AGPAT4: variants seen among roughly 807,000 people sequenced by gnomAD.
The protein encoded by AGPAT4 is 1-acyl-sn-glycerol-3-phosphate acyltransferase delta.
AGPAT4 carries 15 observed loss-of-function variants against 48.0 expected under a neutral mutation model. The ratio of observed to expected loss-of-function variants is 0.31; its 90% CI spans 0.21 to 0.48. The LOEUF (loss-of-function observed/expected upper bound fraction) is 0.48. Among genes scored for constraint, AGPAT4 ranks in the 20% least tolerant of loss-of-function variants. The pLI is 0.99. For missense variants in AGPAT4, 314 were observed against 482.5 expected (o/e 0.65, Z 3.27); for synonymous variants, 178 against 198.7 (o/e 0.90, Z 0.88).
chr6:161,269,907 G>C (rs1360824768), intron 1 of AGPAT4, among the ~76,000 whole-genome samples: 3 of 152,136 alleles, frequency 2.0e-5, no homozygotes, highest in African/African-American at 7.2e-5. Flanking sequence ...ATCAAAGGAA[G>C]AAGTAGAGCA....
intron 2 of AGPAT4, among the ~76,000 whole-genome samples, chr6:161,193,713 C>T (rs554009755): frequency 6.6e-6 from 1 of 152,352 alleles, no homozygotes; most frequent in African/African-American, 2.4e-5. Flanking sequence ...TGTGTTGACA[C>T]TACTGGAATG....
intron 2 of AGPAT4, among the ~76,000 whole-genome samples, chr6:161,228,473 C>A (rs1369182073): frequency 3.9e-5 from 6 of 152,056 alleles, no homozygotes; most frequent in Non-Finnish European, 8.8e-5. Flanking sequence ...CGCAGGGCGC[C>A]AGGGCTGGGG....
At position 161,225,308 on chromosome 6, in the gene AGPAT4, A is replaced by C. The variant is rs1489767233; in HGVS notation, c.178+6728T>G. 6.6e-6 allele frequency among the ~76,000 whole-genome samples: 1 copy of C among 152,216 alleles called. No individual in the cohort carries two copies. Among genetic ancestry groups the C allele is most frequent in the Non-Finnish European group, 1.5e-5 (1 of 68,044 alleles). ...AGTTTAACCTGTGCAGTCTAACCCTAGCCAATAGGGGAAGGACACAGCAGC... is the reference window on the plus strand; with the variant it reads ...AGTTTAACCTGTGCAGTCTAACCCTCGCCAATAGGGGAAGGACACAGCAGC... On this transcript the variant is annotated intron_variant, in intron 2 of 8. Transcript: ENST00000320285. This position sits in a 1 kb window ranked among gnomAD's most constrained non-coding sequence, Gnocchi z 5.0.
intron 1 of AGPAT4, among the ~76,000 whole-genome samples, chr6:161,237,306 C>T (rs1382491417): frequency 6.6e-6 from 1 of 152,208 alleles, no homozygotes; most frequent in African/African-American, 2.4e-5. Context: ...TCCTCAAGGG[C>T]ACATACTGAA....
In AGPAT4 at chr6:161,220,634, C is replaced by G. The variant is rs1004150069; in HGVS notation, c.178+11402G>C. ...ATATTGCAAAATGGGTAGGCAATGCCCCCACCTGATTTGTGACGGGTGTCC... is the reference window on the plus strand; with the variant it reads ...ATATTGCAAAATGGGTAGGCAATGCGCCCACCTGATTTGTGACGGGTGTCC... On this transcript the variant is annotated intron_variant, in intron 2 of 8. Coordinates refer to ENST00000320285, the MANE Select transcript of AGPAT4 (RefSeq NM_020133.3). This position sits in a 1 kb window ranked among gnomAD's most constrained non-coding sequence, Gnocchi z 6.0. 6.6e-6 allele frequency among the ~76,000 whole-genome samples: 1 copy of G among 152,148 alleles called. No individual in the cohort carries two copies. The highest frequency in any genetic ancestry group is 1.5e-5 in the Non-Finnish European group (1 of 68,034).
Position 161,206,354 on chromosome 6 carries a change from A to C in AGPAT4, c.178+25682T>G, listed in dbSNP as rs1241076622. Among the ~76,000 whole-genome samples, 1 of 151,978 alleles carries C rather than the reference A, an allele frequency of 6.6e-6. No individual in the cohort carries two copies. Among genetic ancestry groups the C allele is most frequent in the East Asian group, 1.9e-4 (1 of 5,190 alleles). On this transcript the variant is annotated intron_variant, in intron 2 of 8. Coordinates refer to ENST00000320285, the MANE Select transcript of AGPAT4 (RefSeq NM_020133.3). This position sits in a 1 kb window ranked among gnomAD's most constrained non-coding sequence, Gnocchi z 4.8. ...ATGAGACCACCCTTTTCCTCAACAC[A>C]ATAAAGCACTCCCTCCCCTCCCAGC...
At chr6:161,136,688 GT>G (rs1461112742) in intron 8 of AGPAT4, 54 bp from the exon 9 acceptor site, 10 of 1,503,418 alleles carry the variant, frequency 6.7e-6, no homozygotes, top group African/African-American at 1.4e-5. Context: ...CTACAGGGCC[GT>G]TTTCCCACAG....
chr6:161,154,157 T>G lies in AGPAT4; in HGVS notation c.502A>C (p.Lys168Gln). ...CTCTGGTGCCTACATACAAAATACT[T>G]CTCGGGGTAGTCCCGGAGGTGCTGC... The part of the protein sequence containing the change: ...SLQHLRDYPE[K>Q]YFFLIHCEGT... Residue 168 changes from lysine (K) to glutamine (Q), a missense_variant, in exon 4 of 9, where the codon AAG (lysine) becomes CAG (glutamine). By Grantham distance (53) the Lys-to-Gln change is moderately conservative. Transcript: ENST00000320285. The surrounding 1 kb of genome is among the most constrained non-coding windows in gnomAD (Gnocchi z 7.8). 1 of 1,614,054 alleles carries G rather than the reference T, an allele frequency of 6.2e-7. No individual in the cohort carries two copies. The highest frequency in any genetic ancestry group is 8.5e-7 in the Non-Finnish European group (1 of 1,180,026).
rs1304332683 is a variant in AGPAT4, at chr6:161,158,976, T to TA, written c.349-4667dup. Among the ~76,000 whole-genome samples, 1 of 152,216 alleles carries TA rather than the reference T, an allele frequency of 6.6e-6. No individual in the cohort carries two copies. Among genetic ancestry groups the TA allele is most frequent in the East Asian group, 1.9e-4 (1 of 5,194 alleles). On this transcript the variant is annotated intron_variant, in intron 3 of 8. Transcript: ENST00000320285. This position sits in a 1 kb window ranked among gnomAD's most constrained non-coding sequence, Gnocchi z 5.3. ...AAGGTTTCCCAGTAGGGTTACCAGTTAGTCAAGTGAGCCAAGGTCATTTAT... is the reference window on the plus strand; with the variant it reads ...AAGGTTTCCCAGTAGGGTTACCAGTTAAGTCAAGTGAGCCAAGGTCATTTAT...
intron 3 of AGPAT4, among the ~76,000 whole-genome samples, chr6:161,156,053 C>T (rs549874805): frequency 6.6e-6 from 1 of 152,314 alleles, no homozygotes; most frequent in African/African-American, 2.4e-5. Flanking sequence ...TGATGACCTG[C>T]TGCTAAATGG....
intron 2 of AGPAT4, among the ~76,000 whole-genome samples, chr6:161,168,963 G>A (rs1251576921): frequency 1.3e-5 from 2 of 152,132 alleles, no homozygotes; most frequent in Non-Finnish European, 2.9e-5. Context: ...ATAAGAGCAT[G>A]GACTCAAGGC....
Position 161,177,129 on chromosome 6 carries a change from C to T in AGPAT4, c.179-10712G>A, listed in dbSNP as rs1269254037. Among the ~76,000 whole-genome samples the T allele has an allele frequency of 6.6e-6, 1 of 152,072 alleles. No homozygotes were observed. Among genetic ancestry groups the T allele is most frequent in the Non-Finnish European group, 1.5e-5 (1 of 68,018 alleles). On this transcript the variant is annotated intron_variant, in intron 2 of 8. Transcript: ENST00000320285. The surrounding 1 kb of genome is among the most constrained non-coding windows in gnomAD (Gnocchi z 5.0). ...CTGACAATTATGTGTCTTAGAGTTG[C>T]TCTTCTCGAGGAGTATCTTTGTGGC... is the stretch of plus-strand genomic sequence containing the variant.
At chr6:161,260,671 A>C (rs893875081) in intron 1 of AGPAT4, among the ~76,000 whole-genome samples, 39 of 150,358 alleles carry the variant, frequency 2.6e-4, no homozygotes, top group African/African-American at 9.2e-4. Context: ...AAAAAAAAAA[A>C]AAAAAAAAAA....
In AGPAT4 at chr6:161,219,828, T is replaced by TAGAC. The variant is rs1192079159; in HGVS notation, c.178+12207_178+12208insGTCT. On this transcript the variant is annotated intron_variant, in intron 2 of 8. Transcript: ENST00000320285. This position sits in a 1 kb window ranked among gnomAD's most constrained non-coding sequence, Gnocchi z 4.9. ...TCACAGTAAAAAAGATAGACAGAGA[T>TAGAC]AGATAGATAGATAGATAGATAGATA... is the stretch of plus-strand genomic sequence containing the variant. Among the ~76,000 whole-genome samples, 3 of 85,572 alleles carry TAGAC rather than the reference T, an allele frequency of 3.5e-5. No homozygotes were observed. The highest frequency in any genetic ancestry group is 2.6e-4 in the Admixed American group (2 of 7,752). The allele number at this position is 85,572 out of a possible 152,430, so 56.1% of individuals were successfully genotyped here. A position where few individuals can be genotyped will look rare whatever the true frequency, so the allele number is the denominator to read the frequency against.
Position 161,244,566 on chromosome 6 carries a change from C to T in AGPAT4, c.-89-12264G>A, listed in dbSNP as rs1782598185. 6.6e-6 allele frequency among the ~76,000 whole-genome samples: 1 copy of T among 152,148 alleles called. No homozygotes were observed. Among genetic ancestry groups the T allele is most frequent in the African/African-American group, 2.4e-5 (1 of 41,424 alleles). ...CAGCACTCTACAACCTTTAAGCTGG[C>T]TCCATTATGGCTAAACAAACTCACA... On this transcript the variant is annotated intron_variant, in intron 1 of 8. Coordinates refer to ENST00000320285, the MANE Select transcript of AGPAT4 (RefSeq NM_020133.3). The surrounding 1 kb of genome is among the most constrained non-coding windows in gnomAD (Gnocchi z 4.7).
chr6:161,235,836 G>C lies in AGPAT4; in HGVS notation c.-89-3534C>G, dbSNP rs949975454. 6.6e-6 allele frequency among the ~76,000 whole-genome samples: 1 copy of C among 152,138 alleles called. No homozygotes were observed. The highest frequency in any genetic ancestry group is 2.4e-5 in the African/African-American group (1 of 41,442). On this transcript the variant is annotated intron_variant, in intron 1 of 8. Transcript: ENST00000320285. This position sits in a 1 kb window ranked among gnomAD's most constrained non-coding sequence, Gnocchi z 6.2. ...AACCATTCATGAGAACTCCGCCCCCGTGATCCAATCAGCTCCCACCAGGTC... is the reference window on the plus strand; with the variant it reads ...AACCATTCATGAGAACTCCGCCCCCCTGATCCAATCAGCTCCCACCAGGTC...
chr6:161,162,152 C>T (rs1779953263), intron 3 of AGPAT4, among the ~76,000 whole-genome samples: 1 of 152,184 alleles, frequency 6.6e-6, no homozygotes, highest in African/African-American at 2.4e-5. Flanking sequence ...AGCTGTATTA[C>T]ATATTTACTA....
rs1781900076 is a variant in AGPAT4, at chr6:161,223,954, C to A, written c.178+8082G>T. On this transcript the variant is annotated intron_variant, in intron 2 of 8. Transcript: ENST00000320285. This position sits in a 1 kb window ranked among gnomAD's most constrained non-coding sequence, Gnocchi z 6.3. ...GCTAAAAGTTCATAGAATAAAAAGGCAGAATCAGGAAGTGTTGTTCCTCTT... is the reference window on the plus strand; with the variant it reads ...GCTAAAAGTTCATAGAATAAAAAGGAAGAATCAGGAAGTGTTGTTCCTCTT... Among the ~76,000 whole-genome samples the A allele has an allele frequency of 6.6e-6, 1 of 152,202 alleles. No individual in the cohort carries two copies. The highest frequency in any genetic ancestry group is 2.4e-5 in the African/African-American group (1 of 41,448).
At chr6:161,186,806 A>T (rs890963567) in intron 2 of AGPAT4, among the ~76,000 whole-genome samples, 1 of 151,952 alleles carries the variant, frequency 6.6e-6, no homozygotes, top group African/African-American at 2.4e-5. Context: ...CTCTGTACCT[A>T]CCCCAAGCTC....
Sources: gnomAD v4.1 joint callset for allele counts (sites outside exome capture counted in the v4.1 genomes callset) on GRCh38, gnomAD v4.1.1 for gene constraint, Gnocchi (gnomAD v3.1) non-coding constraint, MANE v1.5 for transcripts, NCBI Gene and HGNC (gene_info 2026-07-23, HGNC 2026-07-21) for gene names.